NOS2: variants seen among roughly 807,000 people sequenced by gnomAD.
NOS2 encodes the protein nitric oxide synthase 2, also known as nitric oxide synthase, inducible.
In NOS2, 96 loss-of-function variants were observed where a neutral mutation model predicts 136.0. That is an observed-to-expected ratio of 0.71 (90% CI 0.60 to 0.84). The LOEUF is 0.84. NOS2 is among the 40% of genes least tolerant of loss of function. The pLI, the probability that NOS2 is intolerant of heterozygous loss-of-function variation, is 0.00. For missense variants in NOS2, 1,237 were observed against 1,496.9 expected (o/e 0.83, Z 2.87); for synonymous variants, 539 against 587.5 (o/e 0.92, Z 1.20).
chr17:27,789,407 A>G (rs1370296684), intron 3 of NOS2, among the ~76,000 whole-genome samples, 197 bp downstream of exon 3: 1 of 152,054 alleles, frequency 6.6e-6, no homozygotes, highest in African/African-American at 2.4e-5. Context: ...ACTCCCGACC[A>G]CTGGGGGTTG....
intron 2 of NOS2, among the ~76,000 whole-genome samples, chr17:27,791,537 G>A (rs1162833631): frequency 6.6e-6 from 1 of 151,886 alleles, no homozygotes; most frequent in Non-Finnish European, 1.5e-5. Context: ...AGTTTTTCTT[G>A]GTAATTTTCC....
At chr17:27,765,188 A>AT (rs1436155543) in intron 20 of NOS2, among the ~76,000 whole-genome samples, 1 of 152,132 alleles carries the variant, frequency 6.6e-6, no homozygotes, top group African/African-American at 2.4e-5. Flanking sequence ...GGGTTTTGCC[A>AT]TGTTGGCCAG....
chr17:27,767,609 T>C (rs1417693172), intron 18 of NOS2, 96 bp downstream of exon 18: 106 of 1,439,772 alleles, frequency 7.4e-5, no homozygotes, highest in Non-Finnish European at 9.3e-5. Context: ...AGGCCAGCTG[T>C]CTCTGTTCAG....
In NOS2 at chr17:27,776,677, G is replaced by GA. The variant is rs34069634; in HGVS notation, c.1281+2012dup. Among the ~76,000 whole-genome samples, 694 of 78,042 alleles carry GA rather than the reference G, an allele frequency of 8.9e-3. 2 individuals carry two copies. The highest frequency in any genetic ancestry group is 0.017 in the East Asian group (42 of 2,430). 51.2% of individuals were successfully genotyped at this position (78,042 alleles called of 152,430 possible). On this transcript the variant is annotated intron_variant, in intron 11 of 26. Coordinates refer to ENST00000313735, the MANE Select transcript of NOS2 (RefSeq NM_000625.4). ...ATGGAGGGAGAGTTCATCTCCAAAG[G>GA]AAAAAAAAAAAAAAAAAAAAAACTC...
At chr17:27,794,710 A>G (rs28998817) in intron 2 of NOS2, among the ~76,000 whole-genome samples, 4,021 of 133,334 alleles carry the variant, frequency 0.03, 103 homozygotes, top group Non-Finnish European at 0.041. Flanking sequence ...GTACACACAC[A>G]CGCGCACACA....
intron 11 of NOS2, among the ~76,000 whole-genome samples, chr17:27,775,056 C>A (rs1441228478): frequency 6.6e-6 from 1 of 152,240 alleles, no homozygotes; most frequent in South Asian, 2.1e-4. Flanking sequence ...CCCATTCAGT[C>A]AAGAGACATT....
rs1432323318 is a variant in NOS2, at chr17:27,757,335, C to T, written c.3373G>A (p.Glu1125Lys). 4.3e-6 allele frequency: 7 copies of T among 1,613,896 alleles called. No homozygotes were observed. In the East Asian group the frequency reaches 6.7e-5, roughly 15 times the overall value. ...FQLKSQKRYH[E>K]DIFGAVFPYE... ...GGAAATACAGCACCAAAGATATCTTCGTGATAGCGCTTCTGGCTCTTTTAG... is the reference window on the plus strand; with the variant it reads ...GGAAATACAGCACCAAAGATATCTTTGTGATAGCGCTTCTGGCTCTTTTAG... Residue 1125 changes from glutamate (E) to lysine (K), a missense_variant, in exon 27 of 27, where the codon GAA becomes AAA. By Grantham distance (56) the Glu-to-Lys change is moderately conservative. Coordinates refer to ENST00000313735, the MANE Select transcript of NOS2 (RefSeq NM_000625.4).
intron 17 of NOS2, among the ~76,000 whole-genome samples, chr17:27,768,733 AG>A (rs777776905): frequency 7.2e-5 from 11 of 152,208 alleles, no homozygotes; most frequent in Non-Finnish European, 1.5e-4. Flanking sequence ...CCCTAAGGGC[AG>A]GGGGGTATCT....
intron 15 of NOS2, 123 bp downstream of exon 15, chr17:27,770,790 C>T (rs1035052296): frequency 6.3e-6 from 4 of 638,908 alleles, no homozygotes; most frequent in Non-Finnish European, 8.4e-6. Flanking sequence ...CTGAGTGACC[C>T]GGAGTGGCCT....
At position 27,772,423 on chromosome 17, in the gene NOS2, C is replaced by G; in HGVS notation, c.1589G>C (p.Arg530Pro). 6 of 1,614,012 alleles carry G rather than the reference C, an allele frequency of 3.7e-6. No individual in the cohort carries two copies. Among genetic ancestry groups the G allele is most frequent in the Non-Finnish European group, 5.1e-6 (6 of 1,180,026 alleles). Reference sequence around the variant, plus strand: ...TCTGACTCGGGACGCCATTGTCTTGCGCATCAGCATACAGGCAAAGAGCAC... The same window carrying G: ...TCTGACTCGGGACGCCATTGTCTTGGGCATCAGCATACAGGCAAAGAGCAC... ...KAVLFACMLM[R>P]KTMASRVRVT... The change falls in exon 14 of 27, where the codon CGC (arginine) becomes CCC (proline). Residue 530 changes from arginine to proline, a missense_variant. By Grantham distance (103) the Arg-to-Pro change is moderately radical. Transcript: ENST00000313735.
chr17:27,768,164 C>T (rs1908369391), intron 17 of NOS2, among the ~76,000 whole-genome samples: 1 of 89,056 alleles, frequency 1.1e-5, no homozygotes, highest in African/African-American at 4.1e-5. Context: ...ATCCTCCCGC[C>T]TCAGTCCCGT....
intron 5 of NOS2, among the ~76,000 whole-genome samples, chr17:27,787,371 G>A (rs1479550198): frequency 6.6e-6 from 1 of 152,190 alleles, no homozygotes; most frequent in Admixed American, 6.5e-5. Flanking sequence ...TTAGGTTGGT[G>A]CAAAAGTAGT....
chr17:27,798,186 A>T (rs917895419), intron 2 of NOS2, among the ~76,000 whole-genome samples: 1 of 152,182 alleles, frequency 6.6e-6, no homozygotes, highest in African/African-American at 2.4e-5. Flanking sequence ...ACTAAGTTTC[A>T]GAGAGGTTAA....
At chr17:27,780,305 C>T (rs1908801547) in intron 9 of NOS2, among the ~76,000 whole-genome samples, 1 of 152,174 alleles carries the variant, frequency 6.6e-6, no homozygotes, top group Non-Finnish European at 1.5e-5. Context: ...CAGAGTAAAT[C>T]TCAATACGCA....
rs768758122 is a variant in NOS2 at position 27,763,965 on chromosome 17, C to A, written c.2592+16G>T. On this transcript the variant is annotated intron_variant, in intron 21 of 26. Coordinates refer to ENST00000313735, the MANE Select transcript of NOS2 (RefSeq NM_000625.4). ...CCCCCCACATACCCCCACTGCCCACCAGCCCTGATCTTCACCTGGCACAGG... is the reference window on the plus strand; with the variant it reads ...CCCCCCACATACCCCCACTGCCCACAAGCCCTGATCTTCACCTGGCACAGG... 12 of 1,607,934 alleles carry A rather than the reference C, an allele frequency of 7.5e-6. No homozygotes were observed. The African/African-American group carries it at 1.6e-4, about 22-fold the overall frequency.
chr17:27,767,475 T>C (rs796448388), intron 18 of NOS2, among the ~76,000 whole-genome samples: 15 of 152,260 alleles, frequency 9.9e-5, no homozygotes, highest in Non-Finnish European at 1.5e-4. Context: ...CAGTAGGCCC[T>C]TGGCGGATGC....
intron 7 of NOS2, 81 bp downstream of exon 7, chr17:27,781,934 C>G (rs534857485): frequency 8.1e-7 from 1 of 1,234,912 alleles, no homozygotes; most frequent in East Asian, 2.4e-5. Context: ...GATGCCTCCC[C>G]TAGACCCAAG....
rs960455073 is a variant in NOS2 at position 27,757,039 on chromosome 17, TGA to T, written c.*205_*206del. The T allele has an allele frequency of 1.3e-5, 6 of 459,594 alleles. No homozygotes were observed. The highest frequency in any genetic ancestry group is 1.2e-4 in the African/African-American group (6 of 49,718). 28.5% of individuals were successfully genotyped at this position (459,594 alleles called of 1,614,324 possible). ...CCAAGGGACCAGGGAGGCCCCAGTT[TGA>T]GAGAGGAGGCTCCGATCAATCCAGG... On this transcript the variant is annotated 3_prime_UTR_variant, in exon 27 of 27. Transcript: ENST00000313735.
At chr17:27,787,089 G>C (rs893223543) in intron 5 of NOS2, among the ~76,000 whole-genome samples, 1 of 152,192 alleles carries the variant, frequency 6.6e-6, no homozygotes, top group African/African-American at 2.4e-5. Flanking sequence ...TCAGGGCAAA[G>C]AGCAATGGCC....
Sources: gnomAD v4.1 joint callset for allele counts (sites outside exome capture counted in the v4.1 genomes callset) on GRCh38, gnomAD v4.1.1 for gene constraint, MANE v1.5 for transcripts, NCBI Gene and HGNC (gene_info 2026-07-23, HGNC 2026-07-21) for gene names.